Variants in DLG2 observed in about 807,000 individuals in gnomAD.
DLG2 encodes disks large homolog 2.
A neutral mutation model predicts 132.5 loss-of-function variants in DLG2; 45 were observed. The ratio of observed to expected loss-of-function variants is 0.34; its 90% CI spans 0.27 to 0.44. DLG2 has a LOEUF of 0.44. Among genes scored for constraint, DLG2 ranks in the 20% least tolerant of loss-of-function variants. DLG2 has a pLI of 1.00. For synonymous variants in DLG2, 424 were observed against 419.6 expected (o/e 1.01, Z -0.13); for missense variants, 1,045 against 1,196.9 (o/e 0.87, Z 1.87).
At chr11:85,074,438 A>T (rs2066265771) in intron 6 of DLG2, among the ~76,000 whole-genome samples, 1 of 151,832 alleles carries the variant, frequency 6.6e-6, no homozygotes, top group South Asian at 2.1e-4. Context: ...GAGGAAATTA[A>T]TCCCATCAAG....
At chr11:83,802,725 T>A (rs938108755) in intron 17 of DLG2, among the ~76,000 whole-genome samples, 4 of 152,042 alleles carry the variant, frequency 2.6e-5, no homozygotes, top group Non-Finnish European at 5.9e-5. Flanking sequence ...TAAAAAAAAG[T>A]CATTATCTAT....
At chr11:85,198,171 G>T (rs2081200963) in intron 4 of DLG2, among the ~76,000 whole-genome samples, 1 of 151,970 alleles carries the variant, frequency 6.6e-6, no homozygotes, top group Non-Finnish European at 1.5e-5. Flanking sequence ...GGTATAAGTG[G>T]GATAATGGAA....
At chr11:84,964,690 G>T (rs912199471) in intron 6 of DLG2, among the ~76,000 whole-genome samples, 2 of 152,030 alleles carry the variant, frequency 1.3e-5, no homozygotes, top group African/African-American at 4.8e-5. Flanking sequence ...CATGCACTAA[G>T]TTTATTGCAC....
intron 6 of DLG2, among the ~76,000 whole-genome samples, chr11:84,830,370 G>T (rs557699540): frequency 0.077 from 10,942 of 141,974 alleles, 491 homozygotes; most frequent in Middle Eastern, 0.12. Flanking sequence ...CGTCATCTAC[G>T]TTTTTTTTTT....
chr11:85,434,296 A>G (rs1300353309), intron 3 of DLG2, among the ~76,000 whole-genome samples: 2 of 152,258 alleles, frequency 1.3e-5, no homozygotes, highest in South Asian at 4.1e-4. Context: ...TTCGAAAGCT[A>G]GCAGAAGAAG....
chr11:85,039,416 T>G (rs1198256707), intron 6 of DLG2, among the ~76,000 whole-genome samples: 2 of 151,940 alleles, frequency 1.3e-5, no homozygotes, highest in Non-Finnish European at 2.9e-5. Context: ...TATAGCATAG[T>G]TATTATGAAC....
At chr11:84,108,233 C>G (rs1387648729) in intron 9 of DLG2, among the ~76,000 whole-genome samples, 4 of 151,806 alleles carry the variant, frequency 2.6e-5, no homozygotes, top group African/African-American at 7.3e-5. Context: ...TTTCAGGGTT[C>G]AATATTTTGG....
intron 6 of DLG2, among the ~76,000 whole-genome samples, chr11:84,991,547 G>T (rs1357716738): frequency 6.8e-6 from 1 of 148,038 alleles, no homozygotes; most frequent in Non-Finnish European, 1.5e-5. Context: ...AAGGAAGAAA[G>T]AAAAATAAAG....
intron 19 of DLG2, among the ~76,000 whole-genome samples, chr11:83,614,298 G>T (rs2153417623): frequency 6.6e-6 from 1 of 152,310 alleles, no homozygotes; most frequent in East Asian, 1.9e-4. Flanking sequence ...TAAAACGAAT[G>T]AATGAAAAAG....
chr11:85,169,797 G>C (rs145879570), intron 4 of DLG2, among the ~76,000 whole-genome samples: 6 of 152,324 alleles, frequency 3.9e-5, no homozygotes, highest in Non-Finnish European at 7.3e-5. Context: ...AGAACCTTCA[G>C]AGAGTTCGAC....
At chr11:83,782,384 G>A (rs2094864725) in intron 18 of DLG2, among the ~76,000 whole-genome samples, 1 of 152,206 alleles carries the variant, frequency 6.6e-6, no homozygotes, top group Admixed American at 6.5e-5. Context: ...TAAAATGAGT[G>A]ACAGAAGGGT....
intron 9 of DLG2, among the ~76,000 whole-genome samples, chr11:84,122,223 G>A (rs1383994299): frequency 1.3e-5 from 2 of 151,948 alleles, no homozygotes; most frequent in Non-Finnish European, 2.9e-5. Context: ...AGGAGGCTGG[G>A]GCAGGAAAAT....
intron 16 of DLG2, 150 bp from the exon 17 acceptor site, chr11:83,833,920 G>T: frequency 1.3e-6 from 1 of 774,832 alleles, no homozygotes. Flanking sequence ...CAAGAAAGAG[G>T]CTAATATCAG....
intron 3 of DLG2, among the ~76,000 whole-genome samples, chr11:85,425,109 A>G (rs1280770864): frequency 6.6e-6 from 1 of 152,244 alleles, no homozygotes; most frequent in Non-Finnish European, 1.5e-5. Flanking sequence ...TGTGAATAAC[A>G]GATTGTAAAT....
Position 85,340,636 on chromosome 11 carries a change from A to G in DLG2, c.41-55271T>C, listed in dbSNP as rs184186328. Among the ~76,000 whole-genome samples the G allele has an allele frequency of 3.8e-3, 584 of 152,364 alleles. 3 individuals are homozygous for G. The highest frequency in any genetic ancestry group is 5.2e-3 in the Non-Finnish European group (355 of 68,040). On this transcript the variant is annotated intron_variant, in intron 3 of 27. Coordinates refer to ENST00000376104, the MANE Select transcript of DLG2 (RefSeq NM_001142699.3). ...ACATGTACCCTACAACTTAAAGTAT[A>G]TAATTTTTAAAAAGGTAAAATTTTT...
chr11:84,413,439 G>T (rs1689300578), intron 7 of DLG2, among the ~76,000 whole-genome samples: 1 of 152,210 alleles, frequency 6.6e-6, no homozygotes, highest in Non-Finnish European at 1.5e-5. Flanking sequence ...AAGAATGCCA[G>T]GCAGCCTTGA....
intron 11 of DLG2, among the ~76,000 whole-genome samples, chr11:84,026,038 T>G (rs1165008947): frequency 1.3e-5 from 2 of 151,820 alleles, no homozygotes; most frequent in African/African-American, 2.4e-5. Flanking sequence ...TTGAAATGAG[T>G]AGGCTGATTT....
intron 4 of DLG2, among the ~76,000 whole-genome samples, chr11:85,200,573 G>T (rs2081387145): frequency 6.6e-6 from 1 of 152,122 alleles, no homozygotes; most frequent in South Asian, 2.1e-4. Context: ...ATCTATGCAG[G>T]GACTTGCTGG....
At chr11:85,417,719 A>G (rs867637572) in intron 3 of DLG2, among the ~76,000 whole-genome samples, 2 of 152,158 alleles carry the variant, frequency 1.3e-5, no homozygotes, top group African/African-American at 4.8e-5. Context: ...TAGATTTTCT[A>G]GTTTATTTGC....
Sources: allele counts gnomAD v4.1 joint callset (sites outside exome capture counted in the v4.1 genomes callset), GRCh38; gene constraint gnomAD v4.1.1; transcripts MANE v1.5; gene names NCBI Gene and HGNC (gene_info 2026-07-23, HGNC 2026-07-21).